The following TMEM161B variants were observed in gnomAD, a reference collection of about 807,000 sequenced individuals.
The protein encoded by TMEM161B is transmembrane protein 161B.
TMEM161B carries 34 observed loss-of-function variants against 61.8 expected under a neutral mutation model. The ratio of observed to expected loss-of-function variants is 0.55; its 90% CI spans 0.42 to 0.73. The LOEUF (loss-of-function observed/expected upper bound fraction) is 0.73, where lower values mean the gene tolerates loss of function less well. TMEM161B is among the 30% of genes least tolerant of loss of function. TMEM161B has a pLI of 0.00. For synonymous variants in TMEM161B, 167 were observed against 192.8 expected, an observed-to-expected ratio of 0.87 and a Z score of 1.11; for missense variants, 456 against 558.5, an observed-to-expected ratio of 0.82 and a Z score of 1.85.
At chr5:88,258,629 G>A (rs1468061341) in intron 1 of TMEM161B, among the ~76,000 whole-genome samples, 1 of 151,972 alleles carries the variant, frequency 6.6e-6, no homozygotes, top group Non-Finnish European at 1.5e-5. Context: ...ATTGTAAAAA[G>A]GCCCAAAATC....
At chr5:88,247,557 T>C (rs566289618) in intron 1 of TMEM161B, among the ~76,000 whole-genome samples, 6 of 152,236 alleles carry the variant, frequency 3.9e-5, no homozygotes, top group Admixed American at 2.6e-4. Flanking sequence ...CATTTGTTTC[T>C]TGACTGTTTA....
chr5:88,199,639 A>G (rs1050902724), intron 9 of TMEM161B: 2 of 152,300 alleles, frequency 1.3e-5, no homozygotes, highest in African/African-American at 4.8e-5. Flanking sequence ...TCATGAAGAA[A>G]TCAGGTGCCT....
At chr5:88,229,878 G>A (rs1363927917) in intron 2 of TMEM161B, among the ~76,000 whole-genome samples, 1 of 151,642 alleles carries the variant, frequency 6.6e-6, no homozygotes, top group Admixed American at 6.6e-5. Flanking sequence ...TAGCCATGGT[G>A]CACAGTCTCT....
chr5:88,186,980 C>T (rs1376434543), downstream of TMEM161B, among the ~76,000 whole-genome samples: 2 of 152,152 alleles, frequency 1.3e-5, no homozygotes, highest in Admixed American at 6.5e-5. Context: ...CTCTATCCAC[C>T]ACTAATTGCC....
At position 88,196,315 on chromosome 5, in the gene TMEM161B, G is replaced by C; in HGVS notation, c.1360C>G (p.Leu454Val). ...SSLKNIFTPLLFRGLLSFLTW... is the reference protein window; with the variant it reads ...SSLKNIFTPLVFRGLLSFLTW... The stretch of plus-strand genomic sequence containing the variant: ...AGAAAAGACAGAAGTCCTCGAAAAA[G>C]AAGAGGAGTAAAAATATTTTTTAAG... The change falls in exon 12 of 12, where the codon CTT becomes GTT. Residue 454 changes from leucine to valine, a missense_variant. By Grantham distance (32) the Leu-to-Val change is conservative. Transcript: ENST00000296595. 6.2e-7 allele frequency: 1 copy of C among 1,613,396 alleles called. No homozygotes were observed. Among genetic ancestry groups the C allele is most frequent in the Non-Finnish European group, 8.5e-7 (1 of 1,179,570 alleles).
intron 5 of TMEM161B, among the ~76,000 whole-genome samples, chr5:88,208,532 C>A (rs183801052): frequency 1.1e-4 from 16 of 152,232 alleles, no homozygotes; most frequent in Admixed American, 3.9e-4. Context: ...ATCCCAGGTA[C>A]TCGGGAGGCT....
chr5:88,229,859 T>C (rs1288305313), intron 2 of TMEM161B, among the ~76,000 whole-genome samples: 1 of 151,652 alleles, frequency 6.6e-6, no homozygotes, highest in Non-Finnish European at 1.5e-5. Context: ...ATGCTGGGAT[T>C]ATAAGCATTA....
downstream of TMEM161B, among the ~76,000 whole-genome samples, chr5:88,194,723 A>C (rs1749346665): frequency 6.6e-6 from 1 of 152,146 alleles, no homozygotes; most frequent in Non-Finnish European, 1.5e-5. Flanking sequence ...TGAACCTTAA[A>C]AGCCCTGAAA....
intron 3 of TMEM161B, among the ~76,000 whole-genome samples, chr5:88,226,733 GC>G (rs1185118193): frequency 2.6e-5 from 4 of 152,178 alleles, no homozygotes; most frequent in African/African-American, 9.7e-5. Context: ...GAACAAGGCA[GC>G]AATGTTAATG....
At chr5:88,256,032 A>T (rs530241536) in intron 1 of TMEM161B, among the ~76,000 whole-genome samples, 104 of 152,336 alleles carry the variant, frequency 6.8e-4, no homozygotes, top group African/African-American at 2.4e-3. Flanking sequence ...CATTTTCCGC[A>T]GTATAAATGA....
chr5:88,233,423 C>T (rs978520560), intron 2 of TMEM161B, among the ~76,000 whole-genome samples: 4 of 152,042 alleles, frequency 2.6e-5, no homozygotes. Context: ...GAACATAGGA[C>T]ATTACAGTAA....
intron 11 of TMEM161B, among the ~76,000 whole-genome samples, chr5:88,196,797 A>T (rs967206920): frequency 6.6e-6 from 1 of 152,134 alleles, no homozygotes; most frequent in Non-Finnish European, 1.5e-5. Flanking sequence ...TAATCAGCTA[A>T]CTCTACTGGA....
At chr5:88,261,923 G>C (rs949541073) in intron 1 of TMEM161B, among the ~76,000 whole-genome samples, 1 of 152,072 alleles carries the variant, frequency 6.6e-6, no homozygotes, top group African/African-American at 2.4e-5. Context: ...AGAAAGAGCT[G>C]ATAAGCTGGA....
intron 4 of TMEM161B, among the ~76,000 whole-genome samples, chr5:88,224,880 TTTC>T (rs1469066906): frequency 1.1e-4 from 16 of 152,126 alleles, no homozygotes; most frequent in Admixed American, 7.9e-4. Context: ...CCCTTGTGAT[TTTC>T]TTAATAACAT....
chr5:88,228,425 A>T lies in TMEM161B; in HGVS notation c.191+20T>A, dbSNP rs754969029. 2.0e-6 allele frequency: 3 copies of T among 1,524,796 alleles called. No homozygotes were observed. The highest frequency in any genetic ancestry group is 2.7e-6 in the Non-Finnish European group (3 of 1,110,086). 94.5% of individuals were successfully genotyped at this position (1,524,796 alleles called of 1,614,324 possible). A position where few individuals can be genotyped will look rare whatever the true frequency, so the allele number is the denominator to read the frequency against. ...AATTGTGTTAAATATTTATTACTTTACAAGCTCAATAAAACTTACCTATCT... is the reference window on the plus strand; with the variant it reads ...AATTGTGTTAAATATTTATTACTTTTCAAGCTCAATAAAACTTACCTATCT... On this transcript the variant is annotated intron_variant, in intron 3 of 11. Transcript: ENST00000296595.
chr5:88,228,169 G>A (rs141306426), intron 3 of TMEM161B, among the ~76,000 whole-genome samples: 69 of 152,186 alleles, frequency 4.5e-4, no homozygotes, highest in African/African-American at 1.6e-3. Flanking sequence ...AAAGATATGG[G>A]TTATAAGTCT....
intron 1 of TMEM161B, among the ~76,000 whole-genome samples, chr5:88,252,057 T>C (rs1754408753): frequency 6.6e-6 from 1 of 152,172 alleles, no homozygotes; most frequent in South Asian, 2.1e-4. Flanking sequence ...TAAAATAATA[T>C]TTGAGCACAA....
chr5:88,264,675 T>C (rs1012753899), intron 1 of TMEM161B, among the ~76,000 whole-genome samples: 15 of 152,156 alleles, frequency 9.9e-5, no homozygotes, highest in African/African-American at 3.6e-4. Flanking sequence ...TAGCAAAGAC[T>C]TGGAACCAAC....
intron 5 of TMEM161B, among the ~76,000 whole-genome samples, chr5:88,219,157 A>T (rs1748463324): frequency 6.6e-6 from 1 of 152,216 alleles, no homozygotes; most frequent in African/African-American, 2.4e-5. Flanking sequence ...ATATTAAGGC[A>T]AGTATTCATC....
Sources: gnomAD v4.1 joint callset for allele counts (sites outside exome capture counted in the v4.1 genomes callset) on GRCh38, gnomAD v4.1.1 for gene constraint, MANE v1.5 for transcripts, NCBI Gene and HGNC (gene_info 2026-07-23, HGNC 2026-07-21) for gene names.